HDAC4: variants seen among roughly 807,000 people sequenced by gnomAD.
HDAC4 encodes histone deacetylase 4.
HDAC4 carries 16 observed loss-of-function variants against 135.1 expected under a neutral mutation model. The observed-to-expected ratio is 0.12, with a 90% CI of 0.08 to 0.18. The LOEUF (loss-of-function observed/expected upper bound fraction) is 0.18, where lower values mean the gene tolerates loss of function less well. Among genes scored for constraint, HDAC4 ranks in the 10% least tolerant of loss-of-function variants. HDAC4 has a pLI of 1.00. For synonymous variants in HDAC4, 685 were observed against 653.4 expected, an observed-to-expected ratio of 1.05 and a Z score of -0.74; for missense variants, 1,143 against 1,511.8, an observed-to-expected ratio of 0.76 and a Z score of 4.05.
rs556138777 is a variant in HDAC4, at chr2:239,325,391, A to G, written c.22+27287T>C. 9.2e-5 allele frequency among the ~76,000 whole-genome samples: 14 copies of G among 152,344 alleles called. No homozygotes were observed. In the South Asian group the frequency reaches 2.7e-3, roughly 29 times the overall value. ...CAACAACAAAAAAACAAACAACCCA[A>G]TTCAAATATGGGCAAAAGACGTGAA... On this transcript the variant is annotated intron_variant, in intron 2 of 26. Transcript: ENST00000543185.
chr2:239,121,545 C>T (rs575547327), intron 12 of HDAC4, among the ~76,000 whole-genome samples: 123 of 152,338 alleles, frequency 8.1e-4, no homozygotes, highest in Non-Finnish European at 2.5e-4. Context: ...TGCCAGGGGC[C>T]GCATCTCTTT....
At chr2:239,092,177 T>C (rs1450808237) in intron 17 of HDAC4, among the ~76,000 whole-genome samples, 1 of 150,570 alleles carries the variant, frequency 6.6e-6, no homozygotes, top group Non-Finnish European at 1.5e-5. Context: ...AGGTCGAGGC[T>C]GCAGTTAGCC....
chr2:239,335,369 A>C (rs1331498099), intron 2 of HDAC4, among the ~76,000 whole-genome samples: 1 of 152,060 alleles, frequency 6.6e-6, no homozygotes, highest in East Asian at 1.9e-4. Flanking sequence ...ACACATAAAA[A>C]AAAAAAAATT....
chr2:239,164,965 G>A (rs1033970614), intron 5 of HDAC4, among the ~76,000 whole-genome samples: 1 of 152,194 alleles, frequency 6.6e-6, no homozygotes, highest in African/African-American at 2.4e-5. Flanking sequence ...GCTCACACCT[G>A]GAATCCCAGC....
At chr2:239,113,072 AC>A (rs1289525551) in intron 13 of HDAC4, among the ~76,000 whole-genome samples, 3 of 152,222 alleles carry the variant, frequency 2.0e-5, no homozygotes, top group Non-Finnish European at 4.4e-5. Context: ...AAAAAAACAA[AC>A]AAACAAAACA....
At chr2:239,217,219 C>T (rs1045211186) in intron 3 of HDAC4, among the ~76,000 whole-genome samples, 3 of 152,144 alleles carry the variant, frequency 2.0e-5, no homozygotes, top group Non-Finnish European at 4.4e-5. Context: ...CCGGCAGCAT[C>T]GCTCCCGGAA....
chr2:239,201,836 G>C (rs572397294), intron 3 of HDAC4, among the ~76,000 whole-genome samples: 4 of 152,240 alleles, frequency 2.6e-5, no homozygotes, highest in South Asian at 2.1e-4. Context: ...TTTTGTTTTT[G>C]TTTTTATGTA....
intron 3 of HDAC4, among the ~76,000 whole-genome samples, chr2:239,218,222 G>A (rs139300149): frequency 7.1e-4 from 108 of 152,258 alleles, no homozygotes; most frequent in African/African-American, 2.6e-3. Context: ...AAACAGGACT[G>A]AACAATCATT....
chr2:239,210,369 G>A (rs2046298042), intron 3 of HDAC4, among the ~76,000 whole-genome samples: 1 of 152,208 alleles, frequency 6.6e-6, no homozygotes, highest in Non-Finnish European at 1.5e-5. Context: ...ACGTCAGTAT[G>A]ATTTCGATTA....
At chr2:239,079,879 G>T (rs188136713) in intron 22 of HDAC4, among the ~76,000 whole-genome samples, 1 of 152,092 alleles carries the variant, frequency 6.6e-6, no homozygotes, top group Non-Finnish European at 1.5e-5. Flanking sequence ...CAAGCACATG[G>T]GTGTGTCCTC....
At chr2:239,241,609 T>C (rs2048179084) in intron 2 of HDAC4, among the ~76,000 whole-genome samples, 1 of 152,236 alleles carries the variant, frequency 6.6e-6, no homozygotes, top group Admixed American at 6.5e-5. Flanking sequence ...TGCTTTTATG[T>C]CAGGTTCAAG....
intron 12 of HDAC4, among the ~76,000 whole-genome samples, chr2:239,123,005 TC>T (rs552055488): frequency 1.2e-3 from 185 of 152,284 alleles, no homozygotes; most frequent in Middle Eastern, 0.01. Flanking sequence ...ATTCTTGTCT[TC>T]CTGGGCATCC....
chr2:239,210,130 C>T (rs370975163), intron 3 of HDAC4, among the ~76,000 whole-genome samples: 2 of 152,264 alleles, frequency 1.3e-5, no homozygotes, highest in African/African-American at 4.8e-5. Flanking sequence ...TGCACGTCTA[C>T]ACAAGGAGAA....
chr2:239,214,505 T>C (rs2046516858), intron 3 of HDAC4, among the ~76,000 whole-genome samples: 1 of 152,134 alleles, frequency 6.6e-6, no homozygotes, highest in Non-Finnish European at 1.5e-5. Flanking sequence ...GGGGTTCCAT[T>C]ATTCTGTCAA....
At chr2:239,091,015 A>C (rs1440673938) in intron 17 of HDAC4, 1 of 152,200 alleles carries the variant, frequency 6.6e-6, no homozygotes, top group African/African-American at 2.4e-5. Context: ...GCTCTGCCCT[A>C]GTGACGGTAC....
At chr2:239,227,591 T>C (rs956763216) in intron 3 of HDAC4, among the ~76,000 whole-genome samples, 1 of 151,984 alleles carries the variant, frequency 6.6e-6, no homozygotes, top group Non-Finnish European at 1.5e-5. Context: ...GACAAGCACC[T>C]TGGGGAAATG....
intron 3 of HDAC4, among the ~76,000 whole-genome samples, chr2:239,199,284 G>A (rs1023869998): frequency 3.9e-4 from 60 of 151,918 alleles, no homozygotes; most frequent in African/African-American, 1.3e-3. Context: ...GGCCTAAGGC[G>A]AACCCCTGCT....
chr2:239,085,137 T>C (rs990905174), intron 19 of HDAC4, among the ~76,000 whole-genome samples: 2 of 151,900 alleles, frequency 1.3e-5, no homozygotes, highest in African/African-American at 4.8e-5. Context: ...GTTACCAACA[T>C]TTCCCTCATC....
intron 3 of HDAC4, among the ~76,000 whole-genome samples, chr2:239,198,722 G>T (rs1344582450): frequency 3.9e-5 from 6 of 152,108 alleles, no homozygotes; most frequent in Non-Finnish European, 8.8e-5. Flanking sequence ...CATTCGTGTC[G>T]CCCCTCTTCT....
Sources: gnomAD v4.1 joint callset for allele counts (sites outside exome capture counted in the v4.1 genomes callset) on GRCh38, gnomAD v4.1.1 for gene constraint, MANE v1.5 for transcripts, NCBI Gene and HGNC (gene_info 2026-07-23, HGNC 2026-07-21) for gene names.